The following SLC26A7 variants were observed in gnomAD, a reference collection of about 807,000 sequenced individuals.
The protein encoded by SLC26A7 is solute carrier family 26 member 7, also known as anion exchange transporter.
In SLC26A7, 59 loss-of-function variants were observed where a neutral mutation model predicts 82.5. That is an observed-to-expected ratio of 0.72 (90% CI 0.58 to 0.89). SLC26A7 has a LOEUF of 0.89. SLC26A7 is among the 40% of genes least tolerant of loss of function. SLC26A7 has a pLI of 0.00. For missense variants in SLC26A7, 820 were observed against 793.0 expected (o/e 1.03, Z -0.41); for synonymous variants, 271 against 274.3 (o/e 0.99, Z 0.12).
intron 3 of SLC26A7, among the ~76,000 whole-genome samples, chr8:91,291,195 T>C (rs767083914): frequency 2.9e-4 from 44 of 152,180 alleles, no homozygotes; most frequent in Non-Finnish European, 4.9e-4. Flanking sequence ...AAATAGATAT[T>C]ATTACCTTTA....
chr8:91,340,276 G>C (rs948079122), intron 7 of SLC26A7, 128 bp from the exon 8 acceptor site: 12 of 1,159,926 alleles, frequency 1.0e-5, no homozygotes, highest in Non-Finnish European at 1.3e-5. Flanking sequence ...AAGGCTGCTT[G>C]GTTTTCTCAT....
At chr8:91,236,808 C>A (rs527755721) in intron 2 of SLC26A7, among the ~76,000 whole-genome samples, 2 of 152,270 alleles carry the variant, frequency 1.3e-5, no homozygotes, top group East Asian at 3.9e-4. Flanking sequence ...ATAGTTCTGA[C>A]ATTATTATTT....
chr8:91,395,016 G>A (rs1808530159), intron 18 of SLC26A7, 46 bp from the exon 19 acceptor site: 2 of 1,592,632 alleles, frequency 1.3e-6, no homozygotes, highest in Non-Finnish European at 8.6e-7. Flanking sequence ...ACCAATTTAA[G>A]AGTTGAGTAA....
chr8:91,324,651 T>C (rs888593930), intron 5 of SLC26A7, among the ~76,000 whole-genome samples: 11 of 152,180 alleles, frequency 7.2e-5, no homozygotes, highest in African/African-American at 2.7e-4. Flanking sequence ...TGGAATTTTA[T>C]TGAAACACTG....
chr8:91,351,162 A>G (rs4543502), intron 9 of SLC26A7, among the ~76,000 whole-genome samples: 41,800 of 151,916 alleles, frequency 0.28, 6,027 homozygotes, highest in Middle Eastern at 0.36. Context: ...GTTCTCCATC[A>G]AGTGGAACAT....
rs369019876 is a variant in SLC26A7, at chr8:91,265,716, TG to T, written c.193+15873del. Among the ~76,000 whole-genome samples, 98 of 152,136 alleles carry T rather than the reference TG, an allele frequency of 6.4e-4. 1 individual carries two copies. Among genetic ancestry groups the T allele is most frequent in the African/African-American group, 2.2e-3 (92 of 41,568 alleles). ...TGAAAAAATGTTTATTTAGGCTTTT[TG>T]CTTATTTATTGATGGGATTATTTGG... On this transcript the variant is annotated intron_variant, in intron 2 of 18. Coordinates refer to ENST00000276609, the MANE Select transcript of SLC26A7 (RefSeq NM_052832.4).
chr8:91,328,268 G>A (rs1812988083), intron 5 of SLC26A7, among the ~76,000 whole-genome samples: 1 of 152,044 alleles, frequency 6.6e-6, no homozygotes, highest in East Asian at 1.9e-4. Context: ...TATGGTCCCA[G>A]AGAGATCTTT....
intron 4 of SLC26A7, among the ~76,000 whole-genome samples, chr8:91,316,973 G>A (rs898678031): frequency 9.8e-6 from 1 of 102,032 alleles, no homozygotes; most frequent in Non-Finnish European, 1.8e-5. Flanking sequence ...GGGCAACACA[G>A]TGAGACCCTG....
chr8:91,339,233 A>G (rs1468445425), intron 7 of SLC26A7, among the ~76,000 whole-genome samples: 1 of 152,124 alleles, frequency 6.6e-6, no homozygotes, highest in Non-Finnish European at 1.5e-5. Context: ...ATAACCTGTA[A>G]TGATACAAAT....
At chr8:91,384,008 T>C (rs189421041) in intron 15 of SLC26A7, among the ~76,000 whole-genome samples, 122 of 152,342 alleles carry the variant, frequency 8.0e-4, no homozygotes, top group Admixed American at 2.2e-3. Context: ...CCCACCCTTA[T>C]TACTCATTTC....
At chr8:91,240,080 C>T (rs1244718345) in intron 2 of SLC26A7, among the ~76,000 whole-genome samples, 1 of 152,192 alleles carries the variant, frequency 6.6e-6, no homozygotes, top group African/African-American at 2.4e-5. Flanking sequence ...ATTCTTCCCT[C>T]AAAGACCTTG....
intron 6 of SLC26A7, among the ~76,000 whole-genome samples, chr8:91,335,164 A>T (rs1281016285): frequency 6.6e-6 from 1 of 152,176 alleles, no homozygotes; most frequent in African/African-American, 2.4e-5. Context: ...TCTTTGAGTT[A>T]TACATGTATA....
intron 5 of SLC26A7, among the ~76,000 whole-genome samples, chr8:91,326,421 C>T (rs1010506431): frequency 6.6e-6 from 1 of 152,120 alleles, no homozygotes; most frequent in Non-Finnish European, 1.5e-5. Context: ...CTCCCTCTTG[C>T]TGCTTCCTCA....
At chr8:91,299,306 C>T (rs556730211) in intron 4 of SLC26A7, among the ~76,000 whole-genome samples, 2 of 151,972 alleles carry the variant, frequency 1.3e-5, no homozygotes, top group Non-Finnish European at 2.9e-5. Context: ...ATTGTGTTGT[C>T]AAATTTATCA....
Position 91,338,673 on chromosome 8 carries a change from A to G in SLC26A7, c.878+441A>G, listed in dbSNP as rs568241537. Reference sequence around the variant, plus strand: ...CCTGGGTAGTATATAATAATGAGAGAGTGGAAGTGGAGAAGAAGGCATTGT... The same window carrying G: ...CCTGGGTAGTATATAATAATGAGAGGGTGGAAGTGGAGAAGAAGGCATTGT... On this transcript the variant is annotated intron_variant, in intron 7 of 18. Transcript: ENST00000276609. Among the ~76,000 whole-genome samples, 22 of 152,234 alleles carry G rather than the reference A, an allele frequency of 1.4e-4. No homozygotes were observed. In the East Asian group the frequency reaches 3.9e-3, roughly 27 times the overall value.
rs978087663 is a variant in SLC26A7 at position 91,397,786 on chromosome 8, T to C, written c.*2689T>C. On this transcript the variant is annotated 3_prime_UTR_variant, in exon 19 of 19. Coordinates refer to ENST00000276609, the MANE Select transcript of SLC26A7 (RefSeq NM_052832.4). ...AGATCTTTCTTTTTTAATGAAAACA[T>C]TAATGTGTTAATACCCTGTATGGAT... 3 of 152,564 alleles carry C rather than the reference T, an allele frequency of 2.0e-5. No individual in the cohort carries two copies. The highest frequency in any genetic ancestry group is 4.8e-5 in the African/African-American group (2 of 41,460). The allele number at this position is 152,564 out of a possible 1,614,324, so 9.5% of individuals were successfully genotyped here. A position where few individuals can be genotyped will look rare whatever the true frequency, so the allele number is the denominator to read the frequency against.
intron 2 of SLC26A7, among the ~76,000 whole-genome samples, chr8:91,253,163 C>A (rs941346604): frequency 1.3e-5 from 2 of 152,060 alleles, no homozygotes; most frequent in Non-Finnish European, 2.9e-5. Flanking sequence ...TGGGAGAGGA[C>A]AAACAACTTG....
chr8:91,386,104 C>T (rs569741939), intron 15 of SLC26A7, among the ~76,000 whole-genome samples: 3 of 152,150 alleles, frequency 2.0e-5, no homozygotes, highest in Admixed American at 2.0e-4. Context: ...CCATGTTTGC[C>T]ATGGCTGTGG....
intron 9 of SLC26A7, 102 bp downstream of exon 9, chr8:91,343,568 T>C (rs1813479226): frequency 2.8e-6 from 2 of 725,934 alleles, no homozygotes; most frequent in Non-Finnish European, 4.3e-6. Flanking sequence ...GAAACTATTT[T>C]CACTTATTTA....
Sources: allele counts gnomAD v4.1 joint callset (sites outside exome capture counted in the v4.1 genomes callset), GRCh38; gene constraint gnomAD v4.1.1; transcripts MANE v1.5; gene names NCBI Gene and HGNC (gene_info 2026-07-23, HGNC 2026-07-21).